The following TMEM135 variants were observed in gnomAD, a reference collection of about 807,000 sequenced individuals.
TMEM135 encodes the protein transmembrane protein 135.
Under a neutral mutation model 60.3 loss-of-function variants are expected in TMEM135, and 30 were observed. The ratio of observed to expected loss-of-function variants is 0.50; its 90% CI spans 0.37 to 0.68. The LOEUF is 0.68. Ranked by LOEUF, TMEM135 falls within the 30% of genes least tolerant of loss-of-function variation. The pLI, the probability that TMEM135 is intolerant of heterozygous loss-of-function variation, is 0.00. For synonymous variants in TMEM135, 190 were observed against 186.7 expected, an observed-to-expected ratio of 1.02 and a Z score of -0.14; for missense variants, 468 against 548.8, an observed-to-expected ratio of 0.85 and a Z score of 1.47.
At chr11:87,038,303 AG>A in intron 1 of TMEM135, 117 bp downstream of exon 1, 1 of 429,286 alleles carries the variant, frequency 2.3e-6, no homozygotes, top group Non-Finnish European at 3.2e-6. Context: ...TCTCTTTTGG[AG>A]GGGTCGGAGT....
chr11:87,144,194 T>C (rs144754349), intron 4 of TMEM135, among the ~76,000 whole-genome samples: 183 of 152,272 alleles, frequency 1.2e-3, no homozygotes, highest in African/African-American at 4.2e-3. Flanking sequence ...TGCTAAGTTA[T>C]TGCTTATTAA....
intron 6 of TMEM135, among the ~76,000 whole-genome samples, chr11:87,275,392 G>A (rs1941949910): frequency 6.6e-6 from 1 of 151,838 alleles, no homozygotes; most frequent in African/African-American, 2.4e-5. Flanking sequence ...CCTATCAGAT[G>A]CTTATTGGTT....
chr11:87,194,155 G>C (rs1470830639), intron 5 of TMEM135, among the ~76,000 whole-genome samples: 1 of 151,926 alleles, frequency 6.6e-6, no homozygotes, highest in Non-Finnish European at 1.5e-5. Context: ...AGAAACTGTG[G>C]CTCCACACAA....
chr11:87,314,064 T>C lies in TMEM135; in HGVS notation c.1001-407T>C, dbSNP rs1942684891. On this transcript the variant is annotated intron_variant, in intron 11 of 14. Transcript: ENST00000305494. ...ATGAAAGCAGTGCTATGGAGAGAAG[T>C]ATTGTGATAGCACTAACCATCATTT... 3.3e-5 allele frequency among the ~76,000 whole-genome samples: 5 copies of C among 151,956 alleles called. No individual in the cohort carries two copies. In the South Asian group the frequency reaches 1.0e-3, roughly 31 times the overall value.
At chr11:87,061,922 C>G (rs189614057) in intron 1 of TMEM135, among the ~76,000 whole-genome samples, 23 of 152,264 alleles carry the variant, frequency 1.5e-4, no homozygotes, top group African/African-American at 4.6e-4. Context: ...TCCATACTTG[C>G]GTTTAATCAA....
rs1208469312 is a variant in TMEM135, at chr11:87,327,367, G to A, written c.*6034G>A. The A allele has an allele frequency of 1.8e-5, 8 of 453,762 alleles. No individual in the cohort carries two copies. The highest frequency in any genetic ancestry group is 7.1e-5 in the Admixed American group (3 of 42,492). 28.1% of individuals were successfully genotyped at this position (453,762 alleles called of 1,614,324 possible). On this transcript the variant is annotated 3_prime_UTR_variant, in exon 15 of 15. Transcript: ENST00000305494. ...CATGAAAAACCAGCATATTAAAGAT[G>A]CCAGGTCAGAAAAATAGAAAGAACC...
At chr11:87,229,634 T>G (rs1940845281) in intron 5 of TMEM135, among the ~76,000 whole-genome samples, 1 of 152,192 alleles carries the variant, frequency 6.6e-6, no homozygotes, top group South Asian at 2.1e-4. Flanking sequence ...GTTTACAAAG[T>G]ATGCTTTGGT....
chr11:87,295,185 C>T (rs1037663867), intron 6 of TMEM135, among the ~76,000 whole-genome samples: 1 of 152,144 alleles, frequency 6.6e-6, no homozygotes, highest in African/African-American at 2.4e-5. Context: ...CTATAGTGAG[C>T]ACTCAATAAA....
At chr11:87,280,104 T>A (rs2135419404) in intron 6 of TMEM135, among the ~76,000 whole-genome samples, 1 of 152,074 alleles carries the variant, frequency 6.6e-6, no homozygotes, top group South Asian at 2.1e-4. Flanking sequence ...TTAAAATATG[T>A]CTTAAAGTTA....
At chr11:87,167,330 T>C (rs1229291362) in intron 5 of TMEM135, among the ~76,000 whole-genome samples, 1 of 152,206 alleles carries the variant, frequency 6.6e-6, no homozygotes, top group Non-Finnish European at 1.5e-5. Context: ...TGGCCAGAAC[T>C]TCCAATACTA....
intron 4 of TMEM135, among the ~76,000 whole-genome samples, chr11:87,103,584 T>G (rs192718059): frequency 6.6e-6 from 1 of 152,172 alleles, no homozygotes; most frequent in Non-Finnish European, 1.5e-5. Context: ...TTAAATCCCT[T>G]ACATATTTTG....
chr11:87,159,617 A>ACACACACACACCCCC (rs140303858), intron 5 of TMEM135, among the ~76,000 whole-genome samples: 10 of 149,344 alleles, frequency 6.7e-5, no homozygotes, highest in African/African-American at 2.2e-4. Flanking sequence ...ACACACACAC[A>ACACACACACACCCCC]CCATAGATTT....
chr11:87,224,201 G>A (rs1321509244), intron 5 of TMEM135, among the ~76,000 whole-genome samples: 2 of 152,120 alleles, frequency 1.3e-5, no homozygotes, highest in Non-Finnish European at 2.9e-5. Context: ...TTGTTGATGG[G>A]TGCTTTTTCT....
intron 6 of TMEM135, among the ~76,000 whole-genome samples, chr11:87,250,986 T>G (rs954151431): frequency 2.6e-5 from 4 of 152,136 alleles, no homozygotes; most frequent in African/African-American, 9.7e-5. Context: ...AGTAGGTTTA[T>G]CTGAGATATG....
intron 6 of TMEM135, among the ~76,000 whole-genome samples, chr11:87,240,656 C>A (rs904888597): frequency 6.6e-6 from 1 of 152,012 alleles, no homozygotes; most frequent in Non-Finnish European, 1.5e-5. Context: ...AAAAATGCAA[C>A]ATTTAAAAAT....
At chr11:87,158,150 T>A (rs1011148688) in intron 5 of TMEM135, among the ~76,000 whole-genome samples, 1 of 152,164 alleles carries the variant, frequency 6.6e-6, no homozygotes, top group Non-Finnish European at 1.5e-5. Flanking sequence ...GGTCTTGAAC[T>A]CCTGGCCTCA....
At chr11:87,213,650 AG>A (rs1278112276) in intron 5 of TMEM135, among the ~76,000 whole-genome samples, 2 of 152,110 alleles carry the variant, frequency 1.3e-5, no homozygotes, top group Non-Finnish European at 2.9e-5. Context: ...CCATATTAGT[AG>A]GTAGTTTCTG....
At chr11:87,068,427 C>T (rs558862698) in intron 2 of TMEM135, among the ~76,000 whole-genome samples, 23 of 152,260 alleles carry the variant, frequency 1.5e-4, no homozygotes, top group Non-Finnish European at 2.9e-4. Context: ...AAAACTCAAA[C>T]TTACGTTTAT....
chr11:87,101,315 AT>A (rs1222378774), intron 4 of TMEM135, among the ~76,000 whole-genome samples: 1 of 152,180 alleles, frequency 6.6e-6, no homozygotes, highest in Non-Finnish European at 1.5e-5. Context: ...CATAAGCAAA[AT>A]TTGCACTTGC....
Sources: allele counts gnomAD v4.1 joint callset (sites outside exome capture counted in the v4.1 genomes callset), GRCh38; gene constraint gnomAD v4.1.1; transcripts MANE v1.5; gene names NCBI Gene and HGNC (gene_info 2026-07-23, HGNC 2026-07-21).